HRH1: variants seen among roughly 807,000 people sequenced by gnomAD.
HRH1 encodes the protein histamine receptor H1.
A neutral mutation model predicts 10.3 loss-of-function variants in HRH1; 6 were observed. That is an observed-to-expected ratio of 0.58 (90% confidence interval 0.32 to 1.15). The LOEUF (loss-of-function observed/expected upper bound fraction) is 1.15. HRH1 is among the 50% of genes most tolerant of loss of function. The pLI is 0.05. For missense variants in HRH1, 514 were observed against 615.3 expected, an observed-to-expected ratio of 0.84 and a Z score of 1.74; for synonymous variants, 242 against 236.7, an observed-to-expected ratio of 1.02 and a Z score of -0.21.
rs970832725 is a variant in HRH1, at chr3:11,259,971, G to C, written c.934G>C (p.Ala312Pro). The change falls in exon 2 of 2, where the codon GCT (alanine) becomes CCT (proline). Residue 312 changes from alanine (A) to proline (P), a missense_variant. Transcript: ENST00000431010. This position sits in a 1 kb window ranked among gnomAD's most constrained non-coding sequence, Gnocchi z 4.6. ...CFPLDIVHMQAAAEGSSRDYV... is the reference protein window; with the variant it reads ...CFPLDIVHMQPAAEGSSRDYV... The stretch of plus-strand genomic sequence containing the variant: ...TCCACTTGATATTGTGCACATGCAG[G>C]CTGCGGCAGAGGGGAGTAGCAGGGA... 5 of 1,614,202 alleles carry C rather than the reference G, an allele frequency of 3.1e-6. No homozygotes were observed. The highest frequency in any genetic ancestry group is 3.3e-4 in the Middle Eastern group (2 of 6,062).
chr3:11,209,615 C>G (rs912369942), intron 1 of HRH1, among the ~76,000 whole-genome samples: 1 of 152,198 alleles, frequency 6.6e-6, no homozygotes, highest in Non-Finnish European at 1.5e-5. Context: ...GCAGCCTTAA[C>G]AGCAAACATT....
At chr3:11,227,876 G>C (rs1309263968) in intron 1 of HRH1, among the ~76,000 whole-genome samples, 1 of 152,154 alleles carries the variant, frequency 6.6e-6, no homozygotes, top group African/African-American at 2.4e-5. Context: ...CAATTAATCA[G>C]CAGGACAGAA....
intron 1 of HRH1, among the ~76,000 whole-genome samples, chr3:11,146,220 G>A (rs1167410009): frequency 1.3e-5 from 2 of 152,184 alleles, no homozygotes; most frequent in African/African-American, 2.4e-5. Flanking sequence ...ACAACTTGAT[G>A]TTGTCAGTCT....
At chr3:11,140,599 G>A (rs144939497) in intron 1 of HRH1, among the ~76,000 whole-genome samples, 242 of 152,114 alleles carry the variant, frequency 1.6e-3, no homozygotes, top group Middle Eastern at 6.8e-3. Flanking sequence ...AACCCTGCTC[G>A]CGGGTGACCT....
intron 1 of HRH1, among the ~76,000 whole-genome samples, chr3:11,207,438 C>CA (rs1938174772): frequency 6.6e-6 from 1 of 151,900 alleles, no homozygotes; most frequent in South Asian, 2.1e-4. Flanking sequence ...GGTGTGGTGG[C>CA]GGCGCCTGTA....
chr3:11,220,868 A>G (rs1938688483), intron 1 of HRH1, among the ~76,000 whole-genome samples: 1 of 152,020 alleles, frequency 6.6e-6, no homozygotes, highest in Non-Finnish European at 1.5e-5. Flanking sequence ...CTATGTCAAT[A>G]ACAAAAAAAG....
At chr3:11,224,143 T>A (rs529467417) in intron 1 of HRH1, among the ~76,000 whole-genome samples, 14 of 152,326 alleles carry the variant, frequency 9.2e-5, no homozygotes, top group African/African-American at 3.4e-4. Context: ...TCTGAAGCCG[T>A]GCAATGTGCA....
chr3:11,173,472 G>A (rs55828483), intron 1 of HRH1, among the ~76,000 whole-genome samples: 6,309 of 151,524 alleles, frequency 0.042, 249 homozygotes, highest in African/African-American at 0.1. Context: ...GCATGATCTC[G>A]GCTCACTGCA....
intron 1 of HRH1, among the ~76,000 whole-genome samples, chr3:11,206,825 C>T (rs549568917): frequency 1.3e-4 from 20 of 152,304 alleles, no homozygotes; most frequent in South Asian, 6.2e-4. Context: ...CAGAGACCAC[C>T]GTCTGCACCC....
chr3:11,207,496 G>A (rs576742449), intron 1 of HRH1, among the ~76,000 whole-genome samples: 4 of 152,074 alleles, frequency 2.6e-5, no homozygotes, highest in South Asian at 4.1e-4. Context: ...GTGAACCTGG[G>A]AGGCGGAGCT....
intron 1 of HRH1, among the ~76,000 whole-genome samples, chr3:11,199,472 A>G (rs1937814731): frequency 6.6e-6 from 1 of 151,940 alleles, no homozygotes; most frequent in Non-Finnish European, 1.5e-5. Flanking sequence ...CCTGATTTTG[A>G]CAATGCCTCC....
chr3:11,220,344 C>T (rs773456644), intron 1 of HRH1, among the ~76,000 whole-genome samples: 55 of 152,162 alleles, frequency 3.6e-4, no homozygotes, highest in Non-Finnish European at 7.4e-4. Context: ...GTCTCTGAGG[C>T]CGGTTACCTC....
chr3:11,202,440 AAT>A (rs1937964265), intron 1 of HRH1, among the ~76,000 whole-genome samples: 3 of 151,352 alleles, frequency 2.0e-5, no homozygotes, highest in East Asian at 1.9e-4. Context: ...ATAAATAATT[AAT>A]TAAAAATAAA....
Position 11,260,301 on chromosome 3 carries a change from G to A in HRH1, c.1264G>A (p.Ala422Thr), listed in dbSNP as rs1281834604. 6.2e-7 allele frequency: 1 copy of A among 1,614,118 alleles called. No homozygotes were observed. The change falls in exon 2 of 2, where the codon GCA (alanine) becomes ACA (threonine). Residue 422 changes from alanine (A) to threonine (T), a missense_variant. Ala to Thr is a moderately conservative substitution (Grantham distance 58). Coordinates refer to ENST00000431010, the MANE Select transcript of HRH1 (RefSeq NM_001098212.2). ...CGCCAAACAGTTGGGTTTTATCATG[G>A]CAGCCTTCATCCTCTGCTGGATCCC... ...KAAKQLGFIM[A>T]AFILCWIPYF... is the part of the protein sequence containing the mutation.
intron 1 of HRH1, among the ~76,000 whole-genome samples, chr3:11,195,797 G>A (rs1159464105): frequency 6.6e-6 from 1 of 152,204 alleles, no homozygotes; most frequent in Non-Finnish European, 1.5e-5. Flanking sequence ...GGGCTGAAAT[G>A]TGCAGACCAC....
At chr3:11,139,839 A>G (rs1440663563) in intron 1 of HRH1, among the ~76,000 whole-genome samples, 1 of 151,468 alleles carries the variant, frequency 6.6e-6, no homozygotes, top group Non-Finnish European at 1.5e-5. Flanking sequence ...AAGGGGGGGA[A>G]TTAGGAGTTA....
In HRH1 at chr3:11,259,190, C is replaced by A. The variant is rs114972320; in HGVS notation, c.153C>A (p.Ala51=). ...GGCTCAACCTGCTGGTGCTGTATGC[C>A]GTACGGAGTGAGCGGAAGCTCCACA... ...TVGLNLLVLY[A]VRSERKLHTV... The change falls in exon 2 of 2, where the codon GCC becomes GCA. Residue 51 remains alanine, a synonymous_variant. Coordinates refer to ENST00000431010, the MANE Select transcript of HRH1 (RefSeq NM_001098212.2). The surrounding 1 kb of genome is among the most constrained non-coding windows in gnomAD (Gnocchi z 4.6). 4.3e-6 allele frequency: 7 copies of A among 1,613,582 alleles called. No individual in the cohort carries two copies. The African/African-American group carries it at 9.4e-5, about 22-fold the overall frequency.
chr3:11,181,053 C>T (rs950272315), intron 1 of HRH1, among the ~76,000 whole-genome samples: 1 of 151,152 alleles, frequency 6.6e-6, no homozygotes, highest in African/African-American at 2.4e-5. Context: ...GAGGCTGAGG[C>T]AGGAGGATAG....
At chr3:11,139,099 T>C (rs1374889338) in intron 1 of HRH1, among the ~76,000 whole-genome samples, 7 of 151,546 alleles carry the variant, frequency 4.6e-5, no homozygotes, top group African/African-American at 1.7e-4. Flanking sequence ...GTGATTCTCC[T>C]GCCTCAGCCT....
Sources: gnomAD v4.1 joint callset for allele counts (sites outside exome capture counted in the v4.1 genomes callset) on GRCh38, gnomAD v4.1.1 for gene constraint, Gnocchi (gnomAD v3.1) non-coding constraint, MANE v1.5 for transcripts, NCBI Gene and HGNC (gene_info 2026-07-23, HGNC 2026-07-21) for gene names.